HHAT: variants seen among roughly 807,000 people sequenced by gnomAD.
HHAT encodes protein-cysteine N-palmitoyltransferase HHAT.
Under a neutral mutation model 70.8 loss-of-function variants are expected in HHAT, and 47 were observed. The ratio of observed to expected loss-of-function variants is 0.66; its 90% CI spans 0.53 to 0.85. The LOEUF (loss-of-function observed/expected upper bound fraction) is 0.85. Among genes scored for constraint, HHAT ranks in the 40% least tolerant of loss-of-function variants. The pLI is 0.00. For missense variants in HHAT, 609 were observed against 604.8 expected, an observed-to-expected ratio of 1.01 and a Z score of -0.07; for synonymous variants, 228 against 247.6, an observed-to-expected ratio of 0.92 and a Z score of 0.74.
At chr1:210,647,133 A>G (rs1674218717) in intron 11 of HHAT, among the ~76,000 whole-genome samples, 1 of 152,144 alleles carries the variant, frequency 6.6e-6, no homozygotes, top group African/African-American at 2.4e-5. Flanking sequence ...TCTCTTCGAG[A>G]CTTGGTAGAA....
At chr1:210,454,915 T>C (rs186188663) in intron 7 of HHAT, among the ~76,000 whole-genome samples, 2 of 152,382 alleles carry the variant, frequency 1.3e-5, no homozygotes, top group East Asian at 3.9e-4. Flanking sequence ...CCACTCATTG[T>C]GACCTTGAAA....
At chr1:210,358,712 C>T (rs3765878) in intron 2 of HHAT, among the ~76,000 whole-genome samples, 17,088 of 152,122 alleles carry the variant, frequency 0.11, 1,261 homozygotes, top group East Asian at 0.28. Context: ...CAGCGGGGCA[C>T]GTGCCCCATG....
At chr1:210,525,541 G>T (rs1435579251) in intron 9 of HHAT, among the ~76,000 whole-genome samples, 2 of 152,108 alleles carry the variant, frequency 1.3e-5, no homozygotes, top group Non-Finnish European at 2.9e-5. Flanking sequence ...CCCTGATCTT[G>T]CTGTTACCAC....
At chr1:210,392,610 T>C (rs1015700037) in intron 4 of HHAT, among the ~76,000 whole-genome samples, 9 of 152,126 alleles carry the variant, frequency 5.9e-5, no homozygotes, top group African/African-American at 7.2e-5. Context: ...CTTCTACAAA[T>C]GTTAAATTAT....
At chr1:210,619,933 G>A (rs985442932) in intron 10 of HHAT, among the ~76,000 whole-genome samples, 10 of 152,180 alleles carry the variant, frequency 6.6e-5, no homozygotes, top group African/African-American at 1.9e-4. Flanking sequence ...TGTCATACCT[G>A]ATGGCTTTTC....
intron 3 of HHAT, among the ~76,000 whole-genome samples, chr1:210,379,900 G>A (rs543828011): frequency 3.3e-5 from 5 of 152,108 alleles, no homozygotes; most frequent in Admixed American, 1.3e-4. Context: ...TTGATTTTTC[G>A]GAGAGTGGGC....
chr1:210,404,474 A>G lies in HHAT; in HGVS notation c.479A>G (p.Tyr160Cys). Residue 160 changes from tyrosine (Y) to cysteine (C), a missense_variant, in exon 6 of 12, where the codon TAC becomes TGC. By Grantham distance (194) the Tyr-to-Cys change is radical (BLOSUM62 -2). Transcript: ENST00000261458. The stretch of plus-strand genomic sequence containing the variant: ...CTTTTGATTTTGTAGAGAAGGTGGT[A>G]CAAGACAGAAAACGAGTACTACCTG... The part of the protein sequence containing the change: ...QGVEEVKRRW[Y>C]KTENEYYLLQ... 4.3e-6 allele frequency: 7 copies of G among 1,611,656 alleles called. No homozygotes were observed. The highest frequency in any genetic ancestry group is 5.9e-6 in the Non-Finnish European group (7 of 1,179,274).
At chr1:210,455,642 C>G (rs1245934060) in intron 7 of HHAT, among the ~76,000 whole-genome samples, 1 of 152,060 alleles carries the variant, frequency 6.6e-6, no homozygotes, top group Non-Finnish European at 1.5e-5. Context: ...ATTTTGTAAC[C>G]TTTCTGTGCC....
chr1:210,592,069 C>T (rs1661838889), intron 10 of HHAT, among the ~76,000 whole-genome samples: 1 of 152,002 alleles, frequency 6.6e-6, no homozygotes, highest in Admixed American at 6.6e-5. Context: ...TGCTTGGTTG[C>T]CTGTGCCTAT....
chr1:210,578,034 T>A (rs1658316717), intron 9 of HHAT, among the ~76,000 whole-genome samples: 1 of 152,308 alleles, frequency 6.6e-6, no homozygotes, highest in Admixed American at 6.5e-5. Context: ...GTTCTTTTTC[T>A]TCAGTTCTTT....
chr1:210,527,478 A>G (rs1421267825), intron 9 of HHAT, among the ~76,000 whole-genome samples: 1 of 152,226 alleles, frequency 6.6e-6, no homozygotes. Context: ...AGTGCTTAGG[A>G]TAGTGCTCAG....
rs370405742 is a variant in HHAT at position 210,365,358 on chromosome 1, C to T, written c.159+2439C>T. Among the ~76,000 whole-genome samples the T allele has an allele frequency of 3.9e-4, 45 of 116,390 alleles. 2 individuals carry two copies. In the South Asian group the frequency reaches 0.013, roughly 33 times the overall value. The allele number at this position is 116,390 out of a possible 152,430, so 76.4% of individuals were successfully genotyped here. The stretch of plus-strand genomic sequence containing the variant: ...TTGAGACGGAGTCTCCCTCTGTTGC[C>T]CAGGCTGGAGTGCAGTGGTGTGATC... On this transcript the variant is annotated intron_variant, in intron 3 of 11. Coordinates refer to ENST00000261458, the MANE Select transcript of HHAT (RefSeq NM_018194.6).
chr1:210,402,391 T>A (rs746416281), intron 5 of HHAT, among the ~76,000 whole-genome samples: 4 of 152,220 alleles, frequency 2.6e-5, no homozygotes, highest in Non-Finnish European at 5.9e-5. Context: ...GCTGTTTTTT[T>A]GAGTCAGGCC....
intron 11 of HHAT, among the ~76,000 whole-genome samples, chr1:210,624,906 ACT>A (rs2148877616): frequency 6.6e-6 from 1 of 152,046 alleles, no homozygotes; most frequent in Admixed American, 6.6e-5. Context: ...TGATGACATA[ACT>A]CTGCACAGCT....
intron 1 of HHAT, among the ~76,000 whole-genome samples, chr1:210,344,372 G>A (rs1233268588): frequency 6.6e-6 from 1 of 152,030 alleles, no homozygotes; most frequent in African/African-American, 2.4e-5. Flanking sequence ...GCACATTCTC[G>A]CTATGTCTGC....
chr1:210,513,294 A>C (rs1266953314), intron 9 of HHAT, 106 bp downstream of exon 9: 1 of 616,238 alleles, frequency 1.6e-6, no homozygotes, highest in African/African-American at 1.9e-5. Flanking sequence ...TGGCACTTAT[A>C]TATATACTTG....
chr1:210,596,495 T>C (rs1029953696), intron 10 of HHAT, among the ~76,000 whole-genome samples: 3 of 152,086 alleles, frequency 2.0e-5, no homozygotes, highest in African/African-American at 7.2e-5. Context: ...CTAGATCTTA[T>C]AGGCATGCTT....
intron 8 of HHAT, among the ~76,000 whole-genome samples, chr1:210,494,542 C>CTTTTTTTTTTTTTTTTTTTTTTTTTTTT (rs71146226): frequency 3.6e-5 from 3 of 82,858 alleles, no homozygotes; most frequent in African/African-American, 5.1e-5. Flanking sequence ...TTTGAAATAG[C>CTTTTTTTTTTTTTTTTTTTTTTTTTTTT]TTTTTTTTTT....
At chr1:210,420,156 TTTC>T (rs973917164) in intron 7 of HHAT, among the ~76,000 whole-genome samples, 1 of 152,212 alleles carries the variant, frequency 6.6e-6, no homozygotes, top group Non-Finnish European at 1.5e-5. Context: ...TATTTATCCT[TTTC>T]TTCTTTTTCT....
Sources: gnomAD v4.1 joint callset for allele counts (sites outside exome capture counted in the v4.1 genomes callset) on GRCh38, gnomAD v4.1.1 for gene constraint, MANE v1.5 for transcripts, NCBI Gene and HGNC (gene_info 2026-07-23, HGNC 2026-07-21) for gene names.